The following MRE11 variants were observed in gnomAD, a reference collection of about 807,000 sequenced individuals.
MRE11 encodes the protein double-strand break repair protein MRE11.
In MRE11, 62 loss-of-function variants were observed where a neutral mutation model predicts 91.7. That is an observed-to-expected ratio of 0.68 (90% CI 0.55 to 0.84). The LOEUF (loss-of-function observed/expected upper bound fraction) is 0.84. MRE11 is among the 40% of genes least tolerant of loss of function. The pLI, the probability that MRE11 is intolerant of heterozygous loss-of-function variation, is 0.00. For missense variants in MRE11, 796 were observed against 852.9 expected (o/e 0.93, Z 0.83); for synonymous variants, 273 against 271.4 (o/e 1.01, Z -0.06).
chr11:94,496,490 AG>A, upstream of MRE11: 1 of 500,782 alleles, frequency 2.0e-6, no homozygotes, highest in East Asian at 3.2e-5. Flanking sequence ...GGATATCATG[AG>A]AAAAACAAGA....
chr11:94,471,377 T>A (rs1946705622), intron 8 of MRE11, among the ~76,000 whole-genome samples, 197 bp downstream of exon 8: 2 of 152,034 alleles, frequency 1.3e-5, no homozygotes, highest in Non-Finnish European at 2.9e-5. Context: ...AATTGGATGC[T>A]CTCTTTTTGA....
intron 10 of MRE11, among the ~76,000 whole-genome samples, chr11:94,467,400 C>T (rs551715981): frequency 1.4e-4 from 22 of 151,786 alleles, no homozygotes; most frequent in African/African-American, 5.1e-4. Flanking sequence ...GAAATCAGGG[C>T]ACTGGAGAGA....
rs1003735410 is a variant in MRE11 at position 94,459,692 on chromosome 11, C to G, written c.1327-111G>C. On this transcript the variant is annotated intron_variant, in intron 12 of 19. Coordinates refer to ENST00000323929, the MANE Select transcript of MRE11 (RefSeq NM_005591.4). ...GTTACCAGAGAAAAAATATAGTGAA[C>G]AGCTGTAGTTAAGCCTACTAATATC... The G allele has an allele frequency of 9.4e-6, 11 of 1,173,856 alleles. No homozygotes were observed. In the East Asian group the frequency reaches 2.2e-4, roughly 24 times the overall value. 72.7% of individuals were successfully genotyped at this position (1,173,856 alleles called of 1,614,324 possible).
chr11:94,492,298 G>T (rs902480142), intron 2 of MRE11, among the ~76,000 whole-genome samples: 2 of 152,150 alleles, frequency 1.3e-5, no homozygotes, highest in African/African-American at 4.8e-5. Context: ...ATGTTGGTCA[G>T]GCTGGTCTCC....
intron 2 of MRE11, 31 bp from the exon 3 acceptor site, chr11:94,490,996 T>C (rs1186437960): frequency 1.7e-6 from 2 of 1,203,812 alleles, no homozygotes; most frequent in East Asian, 2.5e-5. Flanking sequence ...CATTTCAATA[T>C]ATTAATAATT....
chr11:94,449,149 G>A (rs1452993824), intron 14 of MRE11, among the ~76,000 whole-genome samples: 2 of 152,146 alleles, frequency 1.3e-5, no homozygotes. Context: ...AGGAGACCCA[G>A]GGCTAAATGA....
At chr11:94,490,067 T>C (rs1947247127) in intron 3 of MRE11, among the ~76,000 whole-genome samples, 1 of 152,196 alleles carries the variant, frequency 6.6e-6, no homozygotes, top group African/African-American at 2.4e-5. Context: ...AAAAAAAGCC[T>C]CTAACTGGTC....
upstream of MRE11, chr11:94,496,582 A>G (rs936981120): frequency 4.4e-5 from 43 of 975,614 alleles, no homozygotes; most frequent in Non-Finnish European, 6.1e-5. Context: ...TTTACTAATA[A>G]CTTTTGTATT....
upstream of MRE11, chr11:94,494,032 T>G (rs1245124686): frequency 6.6e-6 from 1 of 152,334 alleles, no homozygotes; most frequent in Non-Finnish European, 1.5e-5. Flanking sequence ...TTCCCTTCTG[T>G]CAGGTGGGTT....
intron 19 of MRE11, among the ~76,000 whole-genome samples, chr11:94,422,988 C>T (rs1945213956): frequency 6.6e-6 from 1 of 152,188 alleles, no homozygotes; most frequent in Non-Finnish European, 1.5e-5. Context: ...GCTGGGATTA[C>T]AGGCATGAGC....
At chr11:94,420,940 G>A (rs1201711682) in intron 19 of MRE11, among the ~76,000 whole-genome samples, 1 of 152,006 alleles carries the variant, frequency 6.6e-6, no homozygotes, top group Admixed American at 6.6e-5. Flanking sequence ...GCTGAGGCAG[G>A]AGAATGGCGT....
At chr11:94,479,212 A>G (rs1946953182) in intron 5 of MRE11, among the ~76,000 whole-genome samples, 1 of 152,210 alleles carries the variant, frequency 6.6e-6, no homozygotes, top group African/African-American at 2.4e-5. Flanking sequence ...AAGACCATAG[A>G]TAATCAGTGA....
At chr11:94,511,713 C>T in the MRE11 span, among the ~76,000 whole-genome samples, 1,369 of 152,280 alleles carry the variant, frequency 9.0e-3, 9 homozygotes, top group Non-Finnish European at 0.015. Context: ...CCTTGTAGAA[C>T]GATTTAATAC....
intron 16 of MRE11, 60 bp downstream of exon 16, chr11:94,445,750 G>T: frequency 8.3e-7 from 1 of 1,211,124 alleles, no homozygotes; most frequent in South Asian, 1.2e-5. Context: ...TACCAATGGT[G>T]ATTACCTTGG....
chr11:94,479,041 A>G (rs1042648631), intron 5 of MRE11, among the ~76,000 whole-genome samples, 165 bp from the exon 6 acceptor site: 3 of 152,242 alleles, frequency 2.0e-5, no homozygotes, highest in Admixed American at 6.5e-5. Context: ...TATTTGCTAC[A>G]TTTTTGTACT....
At chr11:94,429,734 T>C (rs1945412452) in intron 19 of MRE11, among the ~76,000 whole-genome samples, 177 bp downstream of exon 19, 2 of 152,192 alleles carry the variant, frequency 1.3e-5, no homozygotes, top group Admixed American at 6.5e-5. Context: ...TGATGGGATC[T>C]GTACCAAACC....
intron 13 of MRE11, among the ~76,000 whole-genome samples, chr11:94,458,350 AAAT>A: frequency 6.7e-6 from 1 of 148,478 alleles, no homozygotes; most frequent in African/African-American, 2.5e-5. Flanking sequence ...TATAAAATAA[AAAT>A]AATTGAGATT....
chr11:94,441,977 C>CAAAA (rs35673778), intron 16 of MRE11, among the ~76,000 whole-genome samples: 905 of 48,124 alleles, frequency 0.019, 55 homozygotes, highest in African/African-American at 0.058. Context: ...GACTCTGTCT[C>CAAAA]AAAAAAAAAA....
chr11:94,471,175 C>T (rs1303176608), intron 8 of MRE11, among the ~76,000 whole-genome samples: 2 of 151,932 alleles, frequency 1.3e-5, no homozygotes, highest in African/African-American at 2.4e-5. Flanking sequence ...TCATATCATT[C>T]CCCCAAAAAT....
Sources: gnomAD v4.1 joint callset for allele counts (sites outside exome capture counted in the v4.1 genomes callset) on GRCh38, gnomAD v4.1.1 for gene constraint, MANE v1.5 for transcripts, NCBI Gene and HGNC (gene_info 2026-07-23, HGNC 2026-07-21) for gene names.